The following UGT1A10 variants were observed in gnomAD, a reference collection of about 807,000 sequenced individuals.
UGT1A10 encodes the protein UDP-glucuronosyltransferase 1A10.
Under a neutral mutation model 45.8 loss-of-function variants are expected in UGT1A10, and 49 were observed. The observed-to-expected ratio is 1.07, with a 90% CI of 0.85 to 1.36. UGT1A10 has a LOEUF of 1.36. UGT1A10 is among the 40% of genes most tolerant of loss of function. The probability of loss-of-function intolerance (pLI) is 0.00; values close to 1 mark genes in which losing one functional copy is unlikely to be tolerated. For missense variants in UGT1A10, 745 were observed against 668.6 expected, an observed-to-expected ratio of 1.11 and a Z score of -1.26; for synonymous variants, 284 against 249.7, an observed-to-expected ratio of 1.14 and a Z score of -1.29.
intron 1 of UGT1A10, among the ~76,000 whole-genome samples, chr2:233,670,103 T>TA (rs1559332861): frequency 6.6e-6 from 1 of 152,234 alleles, no homozygotes; most frequent in Non-Finnish European, 1.5e-5. Flanking sequence ...ATGTGTTATA[T>TA]ACTGTATTAT....
At chr2:233,711,359 T>G (rs576618910) in intron 1 of UGT1A10, among the ~76,000 whole-genome samples, 1 of 152,314 alleles carries the variant, frequency 6.6e-6, no homozygotes, top group East Asian at 1.9e-4. Context: ...GGGAGCCCCC[T>G]GAATGTGGTG....
At chr2:233,767,261 T>C in intron 2 of UGT1A10, 96 bp downstream of exon 2, 1 of 1,590,062 alleles carries the variant, frequency 6.3e-7, no homozygotes, top group Non-Finnish European at 8.5e-7. Context: ...ATTGGAACCT[T>C]AGATTTGGCT....
chr2:233,744,560 T>C (rs1423343809), intron 1 of UGT1A10, among the ~76,000 whole-genome samples: 1 of 151,924 alleles, frequency 6.6e-6, no homozygotes, highest in Admixed American at 6.5e-5. Flanking sequence ...CAAAATGTAG[T>C]GAGAAGAGTG....
intron 1 of UGT1A10, among the ~76,000 whole-genome samples, chr2:233,737,165 G>A (rs941026420): frequency 6.6e-6 from 1 of 152,234 alleles, no homozygotes; most frequent in African/African-American, 2.4e-5. Flanking sequence ...CCACAGAGGT[G>A]GAGTCTATAG....
At chr2:233,753,560 A>T (rs949425107) in intron 1 of UGT1A10, 1 of 152,242 alleles carries the variant, frequency 6.6e-6, no homozygotes, top group African/African-American at 2.4e-5. Flanking sequence ...TGACCCTAGA[A>T]GATGGGACCC....
At chr2:233,682,411 C>T (rs774746807) in intron 1 of UGT1A10, 70 of 1,613,784 alleles carry the variant, frequency 4.3e-5, no homozygotes, top group South Asian at 9.9e-5. Context: ...TAATTGTTGC[C>T]AAATATTTCT....
intron 1 of UGT1A10, among the ~76,000 whole-genome samples, chr2:233,641,708 T>C (rs1056943582): frequency 2.0e-5 from 3 of 152,210 alleles, no homozygotes; most frequent in Non-Finnish European, 4.4e-5. Flanking sequence ...ATTGATAAAA[T>C]TCCTCAACTT....
chr2:233,638,977 C>T (rs2073377448), intron 1 of UGT1A10, among the ~76,000 whole-genome samples: 1 of 152,172 alleles, frequency 6.6e-6, no homozygotes, highest in Non-Finnish European at 1.5e-5. Context: ...ATTACAGTAC[C>T]AAGCACCACC....
At chr2:233,713,138 G>T (rs753871977) in intron 1 of UGT1A10, 31 of 1,614,080 alleles carry the variant, frequency 1.9e-5, no homozygotes, top group Non-Finnish European at 2.5e-5. Flanking sequence ...AGGCCTTGCG[G>T]GACCTCCATG....
intron 1 of UGT1A10, among the ~76,000 whole-genome samples, chr2:233,690,102 T>C (rs139237594): frequency 2.0e-5 from 3 of 152,350 alleles, no homozygotes; most frequent in African/African-American, 7.2e-5. Context: ...CTCCTGCATC[T>C]TATGTCACAT....
chr2:233,691,572 C>T, intron 1 of UGT1A10: 1 of 985,674 alleles, frequency 1.0e-6, no homozygotes, highest in Non-Finnish European at 1.2e-6. Flanking sequence ...CCACCTCTCA[C>T]TGGGACAGCC....
intron 1 of UGT1A10, among the ~76,000 whole-genome samples, chr2:233,652,728 AT>A (rs1169190851): frequency 3.3e-5 from 5 of 152,236 alleles, no homozygotes; most frequent in Non-Finnish European, 7.3e-5. Flanking sequence ...GGAAAGAATA[AT>A]CTCTTCAACA....
chr2:233,721,938 A>G (rs2076981722), intron 1 of UGT1A10: 13 of 361,422 alleles, frequency 3.6e-5, no homozygotes, highest in South Asian at 2.7e-4. Flanking sequence ...TCCTTCAGAC[A>G]CTTGGTGGCT....
At chr2:233,711,765 G>A (rs539834648) in intron 1 of UGT1A10, among the ~76,000 whole-genome samples, 1 of 152,368 alleles carries the variant, frequency 6.6e-6, no homozygotes, top group South Asian at 2.1e-4. Flanking sequence ...CACAGAGGAA[G>A]TGAGATAGAA....
chr2:233,743,469 A>T, intron 1 of UGT1A10: 3 of 1,366,764 alleles, frequency 2.2e-6, no homozygotes, highest in Non-Finnish European at 2.9e-6. Flanking sequence ...CACCCCCAAA[A>T]GCTGGAAATT....
intron 1 of UGT1A10, chr2:233,719,795 T>A: frequency 1.9e-6 from 3 of 1,604,386 alleles, no homozygotes; most frequent in Non-Finnish European, 2.6e-6. Flanking sequence ...AAAGATTTTA[T>A]TTTGGCTTCT....
chr2:233,679,374 G>T (rs2074450843), intron 1 of UGT1A10, among the ~76,000 whole-genome samples: 1 of 152,222 alleles, frequency 6.6e-6, no homozygotes, highest in Admixed American at 6.5e-5. Context: ...CTGTCAGTGA[G>T]TGTTGATCTT....
rs1209379980 is a variant in UGT1A10, at chr2:233,682,140, G to T, written c.855+44763G>T. 5.6e-6 allele frequency: 9 copies of T among 1,614,082 alleles called. No homozygotes were observed. Among genetic ancestry groups the T allele is most frequent in the Non-Finnish European group, 7.6e-6 (9 of 1,180,026 alleles). ...CCAGAGGTGAGTTGGCAACTGGGAA[G>T]ATCACTGAATTGCACAGTGAAGACT... On this transcript the variant is annotated intron_variant, in intron 1 of 4. Transcript: ENST00000344644.
At chr2:233,729,553 G>A in intron 1 of UGT1A10, 1 of 1,614,176 alleles carries the variant, frequency 6.2e-7, no homozygotes, top group Middle Eastern at 1.7e-4. Context: ...GCACCTGAAT[G>A]CTACTTCCTT....
Sources: allele counts gnomAD v4.1 joint callset (sites outside exome capture counted in the v4.1 genomes callset), GRCh38; gene constraint gnomAD v4.1.1; transcripts MANE v1.5; gene names NCBI Gene and HGNC (gene_info 2026-07-23, HGNC 2026-07-21).